ZNF324B: variants seen among roughly 807,000 people sequenced by gnomAD.
The protein encoded by ZNF324B is zinc finger protein 324B.
In ZNF324B, 7 loss-of-function variants were observed where a neutral mutation model predicts 10.6. That is an observed-to-expected ratio of 0.66 (90% CI 0.38 to 1.24). ZNF324B has a LOEUF of 1.24. Among genes scored for constraint, ZNF324B ranks in the 50% most tolerant of loss-of-function variants. The probability of loss-of-function intolerance (pLI) is 0.02; values close to 1 mark genes in which losing one functional copy is unlikely to be tolerated. For missense variants in ZNF324B, 640 were observed against 764.7 expected, an observed-to-expected ratio of 0.84 and a Z score of 1.92; for synonymous variants, 316 against 321.0, an observed-to-expected ratio of 0.98 and a Z score of 0.17.
the ZNF324B span, among the ~76,000 whole-genome samples, chr19:58,426,778 C>T: frequency 5.3e-5 from 8 of 152,190 alleles, no homozygotes; most frequent in Non-Finnish European, 8.8e-5. Context: ...CAAGGAACTG[C>T]CCAGTAGATT....
chr19:58,426,184 A>C, the ZNF324B span, among the ~76,000 whole-genome samples: 1 of 152,178 alleles, frequency 6.6e-6, no homozygotes, highest in African/African-American at 2.4e-5. Context: ...TGCCAGAAGA[A>C]GGCTGGGGCT....
rs2052912472 is a variant in ZNF324B, at chr19:58,455,799, C to T, written c.855C>T (p.Tyr285=). Residue 285 remains tyrosine (Y), a synonymous_variant, in exon 4 of 4, where the codon TAC becomes TAT. Coordinates refer to ENST00000336614, the MANE Select transcript of ZNF324B (RefSeq NM_207395.3). The surrounding 1 kb of genome is among the most constrained non-coding windows in gnomAD (Gnocchi z 7.0). Reference sequence around the variant, plus strand: ...GCACCCACACCGGGGAGCGGCCCTACGAGTGCACCCAGTGCGGCAAGGCCT... The same window carrying T: ...GCACCCACACCGGGGAGCGGCCCTATGAGTGCACCCAGTGCGGCAAGGCCT... ...HLRTHTGERP[Y]ECTQCGKAFS... is the part of the protein sequence containing the mutation. 4 of 1,614,036 alleles carry T rather than the reference C, an allele frequency of 2.5e-6. No individual in the cohort carries two copies. Among genetic ancestry groups the T allele is most frequent in the South Asian group, 1.1e-5 (1 of 91,096 alleles).
At chr19:58,451,752 G>C (rs765404953) in intron 1 of ZNF324B, 48 bp downstream of exon 1, 1 of 412,326 alleles carries the variant, frequency 2.4e-6, no homozygotes, top group South Asian at 1.7e-5. Flanking sequence ...CGGTATCTTC[G>C]AGTATGACGT....
the ZNF324B span, chr19:58,435,275 G>T: frequency 6.5e-7 from 1 of 1,537,568 alleles, no homozygotes; most frequent in Non-Finnish European, 8.8e-7. Context: ...GACTTCATTA[G>T]AAATGTTACC....
In ZNF324B at chr19:58,456,786, G is replaced by C. The variant is rs374526611; in HGVS notation, c.*207G>C. ...TAGCTCACACCTCCATCCTCAAAGAGGTAACACTGCAGAAACATCAGAGGG... is the reference window on the plus strand; with the variant it reads ...TAGCTCACACCTCCATCCTCAAAGACGTAACACTGCAGAAACATCAGAGGG... On this transcript the variant is annotated 3_prime_UTR_variant, in exon 4 of 4. Coordinates refer to ENST00000336614, the MANE Select transcript of ZNF324B (RefSeq NM_207395.3). The surrounding 1 kb of genome is among the most constrained non-coding windows in gnomAD (Gnocchi z 4.7). The C allele has an allele frequency of 1.6e-6, 1 of 629,664 alleles. No individual in the cohort carries two copies. The highest frequency in any genetic ancestry group is 2.7e-6 in the Non-Finnish European group (1 of 366,166). The allele number at this position is 629,664 out of a possible 1,614,324, so 39.0% of individuals were successfully genotyped here.
At chr19:58,451,558 C>G (rs988755973), upstream of ZNF324B, 8 of 513,524 alleles carry the variant, frequency 1.6e-5, no homozygotes, top group Admixed American at 1.4e-4. Context: ...AGGCTGTGCG[C>G]AAGCGTCTGC....
chr19:58,445,408 G>C, the ZNF324B span: 1 of 518,720 alleles, frequency 1.9e-6, no homozygotes, highest in East Asian at 5.4e-5. Flanking sequence ...GCCAGCATGG[G>C]AGAGCATCGG....
chr19:58,427,392 TTC>T, the ZNF324B span, among the ~76,000 whole-genome samples: 2 of 50,872 alleles, frequency 3.9e-5, no homozygotes, highest in African/African-American at 9.0e-5. Flanking sequence ...CTTTCTTTCT[TTC>T]TTTCTTTCTT....
At chr19:58,451,114 T>G (rs1453788361), upstream of ZNF324B, among the ~76,000 whole-genome samples, 1 of 152,138 alleles carries the variant, frequency 6.6e-6, no homozygotes, top group Non-Finnish European at 1.5e-5. Flanking sequence ...AAACGGACCT[T>G]AAACCTTTAC....
At chr19:58,439,821 T>C in the ZNF324B span, 3 of 1,543,108 alleles carry the variant, frequency 1.9e-6, no homozygotes, top group Admixed American at 2.0e-5. Context: ...GGCAGGGCCA[T>C]AACAGGAGGC....
At chr19:58,423,253 G>A in the ZNF324B span, among the ~76,000 whole-genome samples, 6 of 151,908 alleles carry the variant, frequency 3.9e-5, no homozygotes, top group African/African-American at 1.2e-4. Flanking sequence ...TCTGCCTCCC[G>A]GGGTTCTCGC....
chr19:58,452,403 C>G (rs1330489924), intron 1 of ZNF324B: 1 of 152,002 alleles, frequency 6.6e-6, no homozygotes, highest in African/African-American at 2.4e-5. Context: ...ACGGTTCCAC[C>G]GTTTGTTGCG....
the ZNF324B span, chr19:58,445,495 G>A: frequency 1.9e-6 from 1 of 518,756 alleles, no homozygotes; most frequent in African/African-American, 1.9e-5. Context: ...ATGTAGGAAA[G>A]TCTTCACCTC....
rs779223935 is a variant in ZNF324B, at chr19:58,455,349, A to G, written c.405A>G (p.Lys135=). The G allele has an allele frequency of 1.2e-6, 2 of 1,613,914 alleles. No homozygotes were observed. The highest frequency in any genetic ancestry group is 2.7e-5 in the African/African-American group (2 of 74,950). ...QPGASPSQER[K]PTGVSVIYWE... is the part of the protein sequence containing the mutation. ...GTGCCTCCCCATCTCAGGAGAGAAA[A>G]CCCACGGGGGTGTCGGTGATCTACT... The change falls in exon 4 of 4, where the codon AAA becomes AAG. Residue 135 remains lysine, a synonymous_variant. Coordinates refer to ENST00000336614, the MANE Select transcript of ZNF324B (RefSeq NM_207395.3). The surrounding 1 kb of genome is among the most constrained non-coding windows in gnomAD (Gnocchi z 7.0).
chr19:58,445,324 G>T, the ZNF324B span: 1 of 494,300 alleles, frequency 2.0e-6, no homozygotes, highest in Non-Finnish European at 4.0e-6. Context: ...TAGCATGTAG[G>T]AGAGCAAAAA....
At position 58,453,714 on chromosome 19, in the gene ZNF324B, G is replaced by A. The variant is rs778101481; in HGVS notation, c.13G>A (p.Asp5Asn). The stretch of plus-strand genomic sequence containing the variant: ...GTTTTAGGACCTGATGACCTTCGAG[G>A]ATGTGGCCGTGTACTTCTCCCAGGA... MTFEDVAVYFSQEEW... is the reference protein window; with the variant it reads MTFENVAVYFSQEEW... The change falls in exon 2 of 4, where the codon GAT (aspartate) becomes AAT (asparagine). Residue 5 changes from aspartate to asparagine, a missense_variant. This residue lies in a region of ZNF324B where 345 missense variants were observed against 387.9 expected (regional missense o/e 0.89). Coordinates refer to ENST00000336614, the MANE Select transcript of ZNF324B (RefSeq NM_207395.3). The A allele has an allele frequency of 1.5e-5, 24 of 1,614,092 alleles. No individual in the cohort carries two copies. Among genetic ancestry groups the A allele is most frequent in the Non-Finnish European group, 3.4e-6 (4 of 1,180,038 alleles).
chr19:58,455,314 C>A lies in ZNF324B; in HGVS notation c.370C>A (p.Arg124=), dbSNP rs781095925. 33 of 1,614,090 alleles carry A rather than the reference C, an allele frequency of 2.0e-5. 1 individual carries two copies. Among genetic ancestry groups the A allele is most frequent in the East Asian group, 1.8e-4 (8 of 44,892 alleles). The part of the protein sequence containing the change: ...DACHSVKSLQ[R]QPGASPSQER... ...CTGCCACAGTGTAAAAAGCCTGCAGCGACAACCGGGTGCCTCCCCATCTCA... is the reference window on the plus strand; with the variant it reads ...CTGCCACAGTGTAAAAAGCCTGCAGAGACAACCGGGTGCCTCCCCATCTCA... Residue 124 remains arginine (R), a synonymous_variant, in exon 4 of 4, where the codon CGA becomes AGA. Coordinates refer to ENST00000336614, the MANE Select transcript of ZNF324B (RefSeq NM_207395.3). This position sits in a 1 kb window ranked among gnomAD's most constrained non-coding sequence, Gnocchi z 7.0.
the ZNF324B span, chr19:58,445,593 A>T: frequency 4.4e-5 from 20 of 458,396 alleles, no homozygotes; most frequent in Admixed American, 3.8e-4. Context: ...AGGCAGGGGG[A>T]TCACCTGAGG....
chr19:58,426,297 G>T, the ZNF324B span, among the ~76,000 whole-genome samples: 1 of 152,206 alleles, frequency 6.6e-6, no homozygotes, highest in Non-Finnish European at 1.5e-5. Flanking sequence ...TCTGCCATCC[G>T]TGTATAATGG....
Sources: gnomAD v4.1 joint callset for allele counts (sites outside exome capture counted in the v4.1 genomes callset) on GRCh38, gnomAD v4.1.1 for gene constraint, gnomAD v4.1.1 regional missense constraint, Gnocchi (gnomAD v3.1) non-coding constraint, MANE v1.5 for transcripts, NCBI Gene and HGNC (gene_info 2026-07-23, HGNC 2026-07-21) for gene names.